HIPK2: variants seen among roughly 807,000 people sequenced by gnomAD.
HIPK2 encodes the protein homeodomain interacting protein kinase 2.
In HIPK2, 27 loss-of-function variants were observed where a neutral mutation model predicts 113.7. That is an observed-to-expected ratio of 0.24 (90% CI 0.17 to 0.33). The LOEUF is 0.33. Ranked by LOEUF, HIPK2 falls within the 10% of genes least tolerant of loss-of-function variation. HIPK2 has a pLI of 1.00. For synonymous variants in HIPK2, 631 were observed against 642.2 expected, an observed-to-expected ratio of 0.98 and a Z score of 0.26; for missense variants, 1,257 against 1,588.0, an observed-to-expected ratio of 0.79 and a Z score of 3.54.
chr7:139,766,285 G>A (rs953394212), intron 1 of HIPK2, among the ~76,000 whole-genome samples: 3 of 152,206 alleles, frequency 2.0e-5, no homozygotes, highest in Non-Finnish European at 2.9e-5. Flanking sequence ...GCAAGTGTGC[G>A]GTATTAGCTG....
In HIPK2 at chr7:139,747,881, C is replaced by A. The variant is rs140231419; in HGVS notation, c.19+29724G>T. On this transcript the variant is annotated intron_variant, in intron 1 of 14. Transcript: ENST00000406875. ...AATTAAAATAAAACATTGAGTTCCT[C>A]GGCCCCACTGGCCACATTTCAAGTG... 2.1e-3 allele frequency among the ~76,000 whole-genome samples: 316 copies of A among 152,330 alleles called. 2 individuals carry two copies. Among genetic ancestry groups the A allele is most frequent in the African/African-American group, 7.4e-3 (308 of 41,568 alleles).
intron 2 of HIPK2, among the ~76,000 whole-genome samples, chr7:139,681,958 T>C (rs1353882570): frequency 1.3e-5 from 2 of 152,128 alleles, no homozygotes; most frequent in Non-Finnish European, 2.9e-5. Context: ...CTCTATCTTT[T>C]CCAGGGCAGG....
At chr7:139,573,500 A>C in intron 14 of HIPK2, 103 bp from the exon 15 acceptor site, 2 of 1,067,456 alleles carry the variant, frequency 1.9e-6, no homozygotes, top group Non-Finnish European at 2.7e-6. Flanking sequence ...GAAGGGAAAG[A>C]CTCCAGAAGT....
chr7:139,653,892 C>A (rs746919906), intron 2 of HIPK2, among the ~76,000 whole-genome samples: 14 of 151,994 alleles, frequency 9.2e-5, no homozygotes, highest in Non-Finnish European at 1.8e-4. Flanking sequence ...GCCACCACGC[C>A]CGGCTAATTT....
At chr7:139,622,196 C>T (rs1248034541) in intron 6 of HIPK2, among the ~76,000 whole-genome samples, 1 of 152,116 alleles carries the variant, frequency 6.6e-6, no homozygotes, top group Non-Finnish European at 1.5e-5. Flanking sequence ...CTTAGAGAGT[C>T]CTACTTCTTT....
intron 12 of HIPK2, among the ~76,000 whole-genome samples, chr7:139,585,177 G>A (rs1798794060): frequency 6.6e-6 from 1 of 152,200 alleles, no homozygotes; most frequent in African/African-American, 2.4e-5. Flanking sequence ...GAAGCAGCTG[G>A]TATTTACGGA....
At chr7:139,749,047 G>A (rs1165788713) in intron 1 of HIPK2, among the ~76,000 whole-genome samples, 4 of 152,352 alleles carry the variant, frequency 2.6e-5, no homozygotes, top group Non-Finnish European at 5.9e-5. Context: ...AATACAGTGT[G>A]AAGGAAAAAC....
chr7:139,643,922 T>A (rs536813281), intron 2 of HIPK2, among the ~76,000 whole-genome samples: 1 of 152,312 alleles, frequency 6.6e-6, no homozygotes, highest in East Asian at 1.9e-4. Flanking sequence ...CAATCTGGTC[T>A]CTGGTGCTAT....
rs113542523 is a variant in HIPK2, at chr7:139,731,046, A to G, written c.20-14031T>C. Among the ~76,000 whole-genome samples the G allele has an allele frequency of 3.6e-3, 542 of 152,332 alleles. 6 individuals carry two copies. Among genetic ancestry groups the G allele is most frequent in the African/African-American group, 0.012 (513 of 41,570 alleles). On this transcript the variant is annotated intron_variant, in intron 1 of 14. Transcript: ENST00000406875. ...AACTCCTCCAAAACTGTGAGAGAAGACATTTCTGTTGTTTTAGGCCACCTA... is the reference window on the plus strand; with the variant it reads ...AACTCCTCCAAAACTGTGAGAGAAGGCATTTCTGTTGTTTTAGGCCACCTA...
intron 1 of HIPK2, among the ~76,000 whole-genome samples, chr7:139,738,939 C>T (rs1796022118): frequency 6.6e-6 from 1 of 152,170 alleles, no homozygotes; most frequent in African/African-American, 2.4e-5. Flanking sequence ...GTGGAGGCCA[C>T]AGGACACTCC....
intron 2 of HIPK2, among the ~76,000 whole-genome samples, chr7:139,663,520 A>G (rs1379149574): frequency 2.0e-5 from 3 of 152,156 alleles, no homozygotes; most frequent in Non-Finnish European, 4.4e-5. Flanking sequence ...AGCTGTGTCT[A>G]CTGGTATTTT....
intron 2 of HIPK2, among the ~76,000 whole-genome samples, chr7:139,702,603 G>C (rs1005884394): frequency 4.2e-4 from 64 of 152,338 alleles, no homozygotes; most frequent in African/African-American, 1.4e-3. Flanking sequence ...TCAGGAGGGA[G>C]GGTTGCCACA....
At chr7:139,668,217 C>T (rs1282141718) in intron 2 of HIPK2, among the ~76,000 whole-genome samples, 12 of 151,292 alleles carry the variant, frequency 7.9e-5, no homozygotes, top group Admixed American at 7.2e-4. Flanking sequence ...AATAGATAAC[C>T]TCAGTGTTAA....
At chr7:139,610,835 C>A (rs1799790460) in intron 9 of HIPK2, among the ~76,000 whole-genome samples, 1 of 152,226 alleles carries the variant, frequency 6.6e-6, no homozygotes, top group Non-Finnish European at 1.5e-5. Flanking sequence ...TATGTAACAA[C>A]AGGCAGAACC....
chr7:139,724,224 G>A (rs879602575), intron 1 of HIPK2, among the ~76,000 whole-genome samples: 1 of 152,008 alleles, frequency 6.6e-6, no homozygotes, highest in Non-Finnish European at 1.5e-5. Context: ...TGGATGACAT[G>A]GTGATCTAAT....
At position 139,725,830 on chromosome 7, in the gene HIPK2, C is replaced by T. The variant is rs548046325; in HGVS notation, c.20-8815G>A. Among the ~76,000 whole-genome samples the T allele has an allele frequency of 4.6e-5, 7 of 152,340 alleles. No individual in the cohort carries two copies. In the East Asian group the frequency reaches 5.8e-4, roughly 13 times the overall value. On this transcript the variant is annotated intron_variant, in intron 1 of 14. Transcript: ENST00000406875. ...AGCTATAATTTGTCCAAAGTCACTT[C>T]GCCTCTGCTAGCAGGGCTGGGATTT...
chr7:139,606,144 G>T (rs1799608477), intron 9 of HIPK2, among the ~76,000 whole-genome samples: 1 of 152,172 alleles, frequency 6.6e-6, no homozygotes, highest in Non-Finnish European at 1.5e-5. Flanking sequence ...TGGCTCATTT[G>T]TGACAACGCT....
At chr7:139,622,723 T>A (rs1800277005) in intron 6 of HIPK2, among the ~76,000 whole-genome samples, 2 of 152,130 alleles carry the variant, frequency 1.3e-5, no homozygotes, top group African/African-American at 4.8e-5. Context: ...TTCTTCAAGG[T>A]TTTCCCAGCA....
In HIPK2 at chr7:139,732,465, T is replaced by A. The variant is rs941614793; in HGVS notation, c.20-15450A>T. Among the ~76,000 whole-genome samples the A allele has an allele frequency of 5.9e-5, 9 of 152,298 alleles. No individual in the cohort carries two copies. The South Asian group carries it at 1.9e-3, about 32-fold the overall frequency. ...GCGGGGCGCCTTCCCCACGTACATC[T>A]AAGATGTCTGATAGCTCTCCTATGT... is the stretch of plus-strand genomic sequence containing the variant. On this transcript the variant is annotated intron_variant, in intron 1 of 14. Coordinates refer to ENST00000406875, the MANE Select transcript of HIPK2 (RefSeq NM_022740.5).
Sources: allele counts gnomAD v4.1 joint callset (sites outside exome capture counted in the v4.1 genomes callset), GRCh38; gene constraint gnomAD v4.1.1; transcripts MANE v1.5; gene names NCBI Gene and HGNC (gene_info 2026-07-23, HGNC 2026-07-21).